TTC17: variants seen among roughly 807,000 people sequenced by gnomAD.
TTC17 encodes the protein tetratricopeptide repeat protein 17.
In TTC17, 58 loss-of-function variants were observed where a neutral mutation model predicts 143.8. The observed-to-expected ratio is 0.40, with a 90% CI of 0.33 to 0.50. TTC17 has a LOEUF of 0.50. Ranked by LOEUF, TTC17 falls within the 20% of genes least tolerant of loss-of-function variation. The pLI is 0.49. For synonymous variants in TTC17, 501 were observed against 497.8 expected (o/e 1.01, Z -0.09); for missense variants, 1,273 against 1,392.5 (o/e 0.91, Z 1.37).
At chr11:43,434,225 A>ACT (rs1186956313) in intron 16 of TTC17, among the ~76,000 whole-genome samples, 1 of 89,602 alleles carries the variant, frequency 1.1e-5, no homozygotes, top group African/African-American at 4.1e-5. Flanking sequence ...ACACACACAC[A>ACT]CACACACTCT....
At chr11:43,433,314 T>C (rs760779862) in intron 16 of TTC17, among the ~76,000 whole-genome samples, 22 of 152,346 alleles carry the variant, frequency 1.4e-4, no homozygotes, top group Non-Finnish European at 2.8e-4. Flanking sequence ...GGTCTGTTTT[T>C]AACAGTTGAG....
At chr11:43,379,422 G>GAAGACTCAGACTTAAAAA in intron 2 of TTC17, 100 bp downstream of exon 2, 1 of 1,070,040 alleles carries the variant, frequency 9.3e-7, no homozygotes, top group Non-Finnish European at 1.4e-6. Context: ...TTTTAAGTCT[G>GAAGACTCAGACTTAAAAA]AGTCTTCTGA....
chr11:43,459,082 A>T (rs982975183), intron 21 of TTC17, among the ~76,000 whole-genome samples: 1 of 152,172 alleles, frequency 6.6e-6, no homozygotes, highest in Non-Finnish European at 1.5e-5. Context: ...GACTCCTCAG[A>T]TACAGCTTCT....
chr11:43,388,641 C>G (rs564866487), intron 2 of TTC17, among the ~76,000 whole-genome samples: 1 of 151,250 alleles, frequency 6.6e-6, no homozygotes, highest in African/African-American at 2.4e-5. Flanking sequence ...GAGTTTGAGA[C>G]CAGCCTGGGC....
At chr11:43,446,934 ACTCCTAG>A (rs1473118650) in intron 18 of TTC17, among the ~76,000 whole-genome samples, 1 of 152,038 alleles carries the variant, frequency 6.6e-6, no homozygotes, top group Non-Finnish European at 1.5e-5. Flanking sequence ...AGTCAAACAG[ACTCCTAG>A]CTCTGCCAGT....
At chr11:43,465,170 A>G (rs915722189) in intron 21 of TTC17, among the ~76,000 whole-genome samples, 7 of 152,228 alleles carry the variant, frequency 4.6e-5, no homozygotes, top group African/African-American at 1.7e-4. Flanking sequence ...TGTAGCCTTT[A>G]CACAATGTCA....
intron 21 of TTC17, among the ~76,000 whole-genome samples, chr11:43,470,647 T>G (rs1948074435): frequency 6.6e-6 from 1 of 152,220 alleles, no homozygotes; most frequent in South Asian, 2.1e-4. Context: ...TTGTTTTCCA[T>G]TTTAGGCTCA....
intron 16 of TTC17, among the ~76,000 whole-genome samples, chr11:43,439,621 A>G (rs578035098): frequency 6.6e-6 from 1 of 151,832 alleles, no homozygotes; most frequent in East Asian, 2.0e-4. Context: ...GGTGCCCACC[A>G]CCACCCCTGG....
chr11:43,400,597 G>C (rs2134566644), intron 9 of TTC17, among the ~76,000 whole-genome samples: 1 of 152,280 alleles, frequency 6.6e-6, no homozygotes, highest in East Asian at 1.9e-4. Flanking sequence ...TAAAATTTTA[G>C]ACTGGAATTC....
intron 15 of TTC17, 109 bp from the exon 16 acceptor site, chr11:43,414,481 C>T (rs894332154): frequency 2.1e-5 from 24 of 1,132,286 alleles, no homozygotes; most frequent in South Asian, 3.2e-5. Context: ...TTAGCAATAA[C>T]GTTTATGGGG....
At chr11:43,449,867 G>C (rs976214016) in intron 19 of TTC17, 5 of 549,174 alleles carry the variant, frequency 9.1e-6, no homozygotes, top group Non-Finnish European at 1.6e-5. Flanking sequence ...AAAACTAAAA[G>C]ATATAACTAG....
intron 16 of TTC17, among the ~76,000 whole-genome samples, chr11:43,428,180 C>G (rs1947072217): frequency 1.3e-5 from 2 of 152,108 alleles, no homozygotes; most frequent in Non-Finnish European, 2.9e-5. Flanking sequence ...AAACTAGTGT[C>G]TCTCTCGACC....
intron 2 of TTC17, among the ~76,000 whole-genome samples, chr11:43,388,912 G>T (rs1242924994): frequency 6.6e-6 from 1 of 151,520 alleles, no homozygotes; most frequent in Non-Finnish European, 1.5e-5. Context: ...GGAGTTTGAG[G>T]TTGCAGTGAG....
chr11:43,377,959 G>A (rs185887559), intron 1 of TTC17, among the ~76,000 whole-genome samples: 10 of 152,044 alleles, frequency 6.6e-5, no homozygotes, highest in South Asian at 2.1e-4. Flanking sequence ...GCTGAAGTGC[G>A]TTGGCGCAAT....
In TTC17 at chr11:43,492,053, C is replaced by A; in HGVS notation, c.3184C>A (p.His1062Asn). 6.2e-7 allele frequency: 1 copy of A among 1,614,092 alleles called. No homozygotes were observed. Among genetic ancestry groups the A allele is most frequent in the Non-Finnish European group, 8.5e-7 (1 of 1,179,974 alleles). ...CCTGATTAGCCTGGCCAACATCTTG[C>A]ACAATGCCAAGCTCTGGAATGACGC... ...VPLISLANILHNAKLWNDAVI... is the reference protein window; with the variant it reads ...VPLISLANILNNAKLWNDAVI... Residue 1062 changes from histidine to asparagine, a missense_variant, in exon 23 of 24, where the codon CAC becomes AAC. Transcript: ENST00000039989.
intron 21 of TTC17, among the ~76,000 whole-genome samples, chr11:43,480,106 A>G (rs1344520651): frequency 6.6e-6 from 1 of 152,252 alleles, no homozygotes; most frequent in Non-Finnish European, 1.5e-5. Flanking sequence ...GCAGAGTGCC[A>G]GCAGTTATCG....
At chr11:43,402,480 T>C (rs1473934844) in intron 10 of TTC17, among the ~76,000 whole-genome samples, 1 of 152,026 alleles carries the variant, frequency 6.6e-6, no homozygotes, top group African/African-American at 2.4e-5. Context: ...TCTATCTAGT[T>C]GGGAAGAACT....
intron 16 of TTC17, among the ~76,000 whole-genome samples, chr11:43,423,022 G>C (rs891690335): frequency 1.3e-5 from 2 of 152,300 alleles, no homozygotes; most frequent in East Asian, 3.9e-4. Flanking sequence ...GTAGACAGGA[G>C]GGGATGAAAT....
chr11:43,416,168 T>C (rs1372075900), intron 16 of TTC17, among the ~76,000 whole-genome samples: 2 of 152,104 alleles, frequency 1.3e-5, no homozygotes, highest in Non-Finnish European at 2.9e-5. Context: ...GTGGTCTTTT[T>C]TTGTTTGTTT....
Sources: allele counts gnomAD v4.1 joint callset (sites outside exome capture counted in the v4.1 genomes callset), GRCh38; gene constraint gnomAD v4.1.1; transcripts MANE v1.5; gene names NCBI Gene and HGNC (gene_info 2026-07-23, HGNC 2026-07-21).